Variants in GUCY1A2 observed in about 807,000 individuals in gnomAD.
GUCY1A2 encodes guanylate cyclase 1 soluble subunit alpha 2, also known as guanylate cyclase soluble subunit alpha-2.
A neutral mutation model predicts 63.5 loss-of-function variants in GUCY1A2; 27 were observed. The observed-to-expected ratio is 0.43, with a 90% CI of 0.31 to 0.59. The LOEUF is 0.59. Among genes scored for constraint, GUCY1A2 ranks in the 20% least tolerant of loss-of-function variants. The probability of loss-of-function intolerance (pLI) is 0.11; values close to 1 mark genes in which losing one functional copy is unlikely to be tolerated. For synonymous variants in GUCY1A2, 364 were observed against 343.5 expected, an observed-to-expected ratio of 1.06 and a Z score of -0.66; for missense variants, 768 against 913.3, an observed-to-expected ratio of 0.84 and a Z score of 2.05.
intron 1 of GUCY1A2, among the ~76,000 whole-genome samples, chr11:106,987,807 T>TAA (rs202229273): frequency 0.013 from 1,973 of 152,284 alleles, 42 homozygotes; most frequent in African/African-American, 0.045. Flanking sequence ...AGGCAATGGT[T>TAA]AAAGTTAGAG....
intron 4 of GUCY1A2, among the ~76,000 whole-genome samples, chr11:106,921,584 T>G (rs1355112016): frequency 6.6e-6 from 1 of 152,066 alleles, no homozygotes; most frequent in Non-Finnish European, 1.5e-5. Context: ...AAGAACCAAT[T>G]GTCCACTCAT....
At chr11:106,849,191 G>A (rs1859318293) in intron 4 of GUCY1A2, among the ~76,000 whole-genome samples, 1 of 151,400 alleles carries the variant, frequency 6.6e-6, no homozygotes, top group African/African-American at 2.4e-5. Context: ...GTAGAGACTG[G>A]CATTATCTAC....
In GUCY1A2 at chr11:106,684,292, A is replaced by C. The variant is rs1862483463; in HGVS notation, c.*3257T>G. The C allele has an allele frequency of 1.1e-5, 2 of 186,490 alleles. No individual in the cohort carries two copies. The allele number at this position is 186,490 out of a possible 1,614,324, so 11.6% of individuals were successfully genotyped here. On this transcript the variant is annotated 3_prime_UTR_variant, in exon 8 of 8. Coordinates refer to ENST00000526355, the MANE Select transcript of GUCY1A2 (RefSeq NM_000855.3). ...AATCAGATATTAAAAGGAAAATCTG[A>C]AATTACTTAAAATATAGAGCAAGAG...
intron 5 of GUCY1A2, among the ~76,000 whole-genome samples, chr11:106,795,861 G>C (rs1258253826): frequency 6.6e-6 from 1 of 152,068 alleles, no homozygotes; most frequent in Non-Finnish European, 1.5e-5. Flanking sequence ...CCAACACTAA[G>C]AATTTAGAAT....
rs1407902782 is a variant in GUCY1A2, at chr11:106,698,367, C to T, written c.1991+10145G>A. Among the ~76,000 whole-genome samples the T allele has an allele frequency of 7.2e-5, 11 of 151,756 alleles. No individual in the cohort carries two copies. In the East Asian group the frequency reaches 1.9e-3, roughly 27 times the overall value. ...CAAACTCCTGAACTCAAGTGATCCT[C>T]TCCCCCAGACTCCCAAAATGCTAGG... is the stretch of plus-strand genomic sequence containing the variant. On this transcript the variant is annotated intron_variant, in intron 7 of 7. Coordinates refer to ENST00000526355, the MANE Select transcript of GUCY1A2 (RefSeq NM_000855.3).
intron 3 of GUCY1A2, among the ~76,000 whole-genome samples, chr11:106,953,418 G>C (rs928301109): frequency 1.7e-4 from 26 of 152,296 alleles, no homozygotes; most frequent in Admixed American, 1.0e-3. Context: ...TGCTCATTCA[G>C]TTTGCCAGTA....
chr11:106,899,170 AT>A (rs1242813218), intron 4 of GUCY1A2, among the ~76,000 whole-genome samples: 2 of 152,144 alleles, frequency 1.3e-5, no homozygotes, highest in Non-Finnish European at 2.9e-5. Flanking sequence ...AAAGTGAGAA[AT>A]TTTTGCAAGA....
At chr11:106,860,131 T>A (rs1199154559) in intron 4 of GUCY1A2, among the ~76,000 whole-genome samples, 1 of 152,000 alleles carries the variant, frequency 6.6e-6, no homozygotes, top group African/African-American at 2.4e-5. Context: ...TACTTAAGTT[T>A]ATGTTTTAAA....
intron 4 of GUCY1A2, among the ~76,000 whole-genome samples, chr11:106,910,253 C>A (rs566590849): frequency 6.1e-4 from 93 of 151,964 alleles, no homozygotes; most frequent in Middle Eastern, 3.4e-3. Flanking sequence ...AATAAAAAAT[C>A]CAAAACTATA....
At chr11:106,965,381 T>C (rs1055030524) in intron 3 of GUCY1A2, among the ~76,000 whole-genome samples, 5 of 152,152 alleles carry the variant, frequency 3.3e-5, no homozygotes, top group African/African-American at 1.2e-4. Flanking sequence ...AAAGCATATA[T>C]AATTTATACA....
At chr11:106,833,993 A>T (rs1859085498) in intron 4 of GUCY1A2, among the ~76,000 whole-genome samples, 1 of 152,064 alleles carries the variant, frequency 6.6e-6, no homozygotes, top group Non-Finnish European at 1.5e-5. Context: ...ATGTTTTGAT[A>T]CATGTATATA....
At chr11:106,979,473 A>AAAAAAAAAG (rs911419925) in intron 2 of GUCY1A2, among the ~76,000 whole-genome samples, 5 of 150,196 alleles carry the variant, frequency 3.3e-5, no homozygotes, top group African/African-American at 1.2e-4. Context: ...AAAAAAAAAA[A>AAAAAAAAAG]AAGAAGAAGA....
chr11:106,739,085 T>A (rs1333938749), intron 6 of GUCY1A2, among the ~76,000 whole-genome samples: 2 of 152,194 alleles, frequency 1.3e-5, no homozygotes, highest in African/African-American at 4.8e-5. Flanking sequence ...TGATTTGTAG[T>A]TCTCCCTGAA....
intron 3 of GUCY1A2, among the ~76,000 whole-genome samples, chr11:106,972,684 A>T (rs1861211366): frequency 1.3e-5 from 2 of 152,134 alleles, no homozygotes. Context: ...AAAAGAGAAA[A>T]AATATCTAGG....
chr11:107,017,967 G>C lies in GUCY1A2; in HGVS notation c.89C>G (p.Pro30Arg), dbSNP rs1861850592. 6.9e-7 allele frequency: 1 copy of C among 1,442,428 alleles called. No individual in the cohort carries two copies. Among genetic ancestry groups the C allele is most frequent in the South Asian group, 1.4e-5 (1 of 69,186 alleles). The allele number at this position is 1,442,428 out of a possible 1,614,324, so 89.4% of individuals were successfully genotyped here. Reference protein sequence around the residue: ...ETSPEEEGECPLSRLCWNGSR... With the variant: ...ETSPEEEGECRLSRLCWNGSR... ...GCCATTCCAGCAGAGCCTAGACAGG[G>C]GGCACTCCCCCTCCTCCTCCGGGCT... Residue 30 changes from proline (P) to arginine (R), a missense_variant, in exon 1 of 8, where the codon CCC becomes CGC. This residue lies in a region of GUCY1A2 where 496 missense variants were observed against 486.9 expected (regional missense o/e 1.02). Coordinates refer to ENST00000526355, the MANE Select transcript of GUCY1A2 (RefSeq NM_000855.3).
intron 6 of GUCY1A2, among the ~76,000 whole-genome samples, chr11:106,758,098 G>T (rs1864004831): frequency 6.6e-6 from 1 of 152,154 alleles, no homozygotes; most frequent in Non-Finnish European, 1.5e-5. Flanking sequence ...AGCTGCGGTG[G>T]GCTCCACCCA....
chr11:106,756,475 T>C (rs1863976069), intron 6 of GUCY1A2, among the ~76,000 whole-genome samples: 1 of 152,226 alleles, frequency 6.6e-6, no homozygotes, highest in Admixed American at 6.5e-5. Flanking sequence ...GTTTTTGCAG[T>C]GGCTGGTACT....
At chr11:106,853,108 A>G (rs1369854473) in intron 4 of GUCY1A2, among the ~76,000 whole-genome samples, 1 of 152,174 alleles carries the variant, frequency 6.6e-6, no homozygotes, top group East Asian at 1.9e-4. Context: ...TAAAACATGC[A>G]CCAGAAAAGA....
chr11:106,821,700 C>T (rs896122543), intron 4 of GUCY1A2, among the ~76,000 whole-genome samples: 2 of 152,158 alleles, frequency 1.3e-5, no homozygotes, highest in African/African-American at 4.8e-5. Context: ...GAAACCTCCT[C>T]AGTGTAATAG....
Sources: gnomAD v4.1 joint callset for allele counts (sites outside exome capture counted in the v4.1 genomes callset) on GRCh38, gnomAD v4.1.1 for gene constraint, gnomAD v4.1.1 regional missense constraint, MANE v1.5 for transcripts, NCBI Gene and HGNC (gene_info 2026-07-23, HGNC 2026-07-21) for gene names.